ATF7: variants seen among roughly 807,000 people sequenced by gnomAD.
The protein encoded by ATF7 is cyclic AMP-dependent transcription factor ATF-7.
In ATF7, 10 loss-of-function variants were observed where a neutral mutation model predicts 50.4. The observed-to-expected ratio is 0.20, with a 90% CI of 0.12 to 0.34. ATF7 has a LOEUF of 0.34. Among genes scored for constraint, ATF7 ranks in the 10% least tolerant of loss-of-function variants. The probability of loss-of-function intolerance (pLI) is 1.00; values close to 1 mark genes in which losing one functional copy is unlikely to be tolerated. For missense variants in ATF7, 465 were observed against 613.9 expected, an observed-to-expected ratio of 0.76 and a Z score of 2.56; for synonymous variants, 201 against 226.4, an observed-to-expected ratio of 0.89 and a Z score of 1.01.
In ATF7 at chr12:53,524,726, C is replaced by G. The variant is rs766730069; in HGVS notation, c.963G>C (p.Gly321=). The change falls in exon 10 of 12, where the codon GGG becomes GGC. Residue 321 remains glycine (G), a synonymous_variant. Coordinates refer to ENST00000420353, the MANE Select transcript of ATF7 (RefSeq NM_006856.3). This position sits in a 1 kb window ranked among gnomAD's most constrained non-coding sequence, Gnocchi z 4.6. ...SPAQPTPSTG[G]RRRRTVDEDP... ...CTTCATCTACTGTGCGCCGCCGTCG[C>G]CCCCCAGTACTAGGGGTGGGCTGAG... is the stretch of plus-strand genomic sequence containing the variant. 1.9e-6 allele frequency: 3 copies of G among 1,610,998 alleles called. No individual in the cohort carries two copies. Among genetic ancestry groups the G allele is most frequent in the Admixed American group, 3.4e-5 (2 of 59,640 alleles).
In ATF7 at chr12:53,565,302, G is replaced by GT. The variant is rs200350633; in HGVS notation, c.49-12666dup. ...TACCAGTTTGGGTTAAAAAAGATTA[G>GT]TTTTTTTTTTTCAAATGTTACTTAT... On this transcript the variant is annotated intron_variant, in intron 2 of 11. Coordinates refer to ENST00000420353, the MANE Select transcript of ATF7 (RefSeq NM_006856.3). 4.8e-3 allele frequency among the ~76,000 whole-genome samples: 706 copies of GT among 146,596 alleles called. 3 individuals are homozygous for GT. The highest frequency in any genetic ancestry group is 0.014 in the African/African-American group (562 of 40,306).
At chr12:53,567,788 A>G (rs1241396287) in intron 2 of ATF7, among the ~76,000 whole-genome samples, 1 of 152,230 alleles carries the variant, frequency 6.6e-6, no homozygotes, top group African/African-American at 2.4e-5. Flanking sequence ...AAAGTCCCCA[A>G]AGGGATAACT....
Position 53,604,681 on chromosome 12 carries a change from G to T in ATF7, c.-21-3660C>A, listed in dbSNP as rs372824618. Among the ~76,000 whole-genome samples the T allele has an allele frequency of 3.9e-5, 6 of 152,258 alleles. No individual in the cohort carries two copies. In the East Asian group the frequency reaches 9.6e-4, roughly 24 times the overall value. Reference sequence around the variant, plus strand: ...AAGCCACATACAAACACATCCAGGGGCCTGTTATCAGGTTCCTAATGACAA... The same window carrying T: ...AAGCCACATACAAACACATCCAGGGTCCTGTTATCAGGTTCCTAATGACAA... On this transcript the variant is annotated intron_variant, in intron 1 of 11. Transcript: ENST00000420353.
chr12:53,542,995 C>G (rs1939664599), intron 4 of ATF7: 1 of 1,197,498 alleles, frequency 8.4e-7, no homozygotes. Context: ...AATATGTTAT[C>G]CAACAAAATC....
At chr12:53,520,391 A>T (rs1449245690) in intron 11 of ATF7, among the ~76,000 whole-genome samples, 1 of 152,148 alleles carries the variant, frequency 6.6e-6, no homozygotes, top group Non-Finnish European at 1.5e-5. Context: ...AGCCTGGCCA[A>T]TATGGCAAAA....
At chr12:53,543,175 A>G in intron 4 of ATF7, 155 bp downstream of exon 4, 1 of 1,529,024 alleles carries the variant, frequency 6.5e-7, no homozygotes, top group East Asian at 2.5e-5. Context: ...TGAATGGCTG[A>G]CTGGGATTAG....
At position 53,512,268 on chromosome 12, in the gene ATF7, G is replaced by C. The variant is rs114450920; in HGVS notation, c.*4869C>G. 6.6e-6 allele frequency: 1 copy of C among 152,176 alleles called. No individual in the cohort carries two copies. The highest frequency in any genetic ancestry group is 1.5e-5 in the Non-Finnish European group (1 of 68,044). 9.4% of individuals were successfully genotyped at this position (152,176 alleles called of 1,614,324 possible). On this transcript the variant is annotated 3_prime_UTR_variant, in exon 12 of 12. Coordinates refer to ENST00000420353, the MANE Select transcript of ATF7 (RefSeq NM_006856.3). Reference sequence around the variant, plus strand: ...AGAACCAGCTCACAGGGATCATGCTGAATCAGGTGGAGGGGAAAAGGGAAA... The same window carrying C: ...AGAACCAGCTCACAGGGATCATGCTCAATCAGGTGGAGGGGAAAAGGGAAA...
chr12:53,587,803 C>T (rs1942760478), intron 2 of ATF7, among the ~76,000 whole-genome samples: 1 of 124,172 alleles, frequency 8.1e-6, no homozygotes, highest in Non-Finnish European at 1.7e-5. Flanking sequence ...TCTTTTGATC[C>T]TCTATGTATA....
At chr12:53,554,859 T>A (rs936216916) in intron 2 of ATF7, among the ~76,000 whole-genome samples, 1 of 79,398 alleles carries the variant, frequency 1.3e-5, no homozygotes, top group African/African-American at 6.6e-5. Flanking sequence ...GAAGACCTTG[T>A]CTCAAAAAAA....
At chr12:53,574,057 A>G (rs1462918512) in intron 2 of ATF7, among the ~76,000 whole-genome samples, 1 of 152,170 alleles carries the variant, frequency 6.6e-6, no homozygotes, top group Admixed American at 6.5e-5. Context: ...TCAACAGAAA[A>G]TTGTAAGTCA....
At chr12:53,569,877 C>T (rs1941654304) in intron 2 of ATF7, among the ~76,000 whole-genome samples, 1 of 152,148 alleles carries the variant, frequency 6.6e-6, no homozygotes, top group African/African-American at 2.4e-5. Context: ...CGGGGTTTCA[C>T]CATATTGGCC....
chr12:53,533,060 C>G, intron 7 of ATF7, 100 bp downstream of exon 7: 1 of 1,068,486 alleles, frequency 9.4e-7, no homozygotes, highest in Non-Finnish European at 1.4e-6. Flanking sequence ...TAGATCAGAG[C>G]CCACATTTCC....
chr12:53,527,822 C>A (rs970512002), intron 9 of ATF7, among the ~76,000 whole-genome samples: 1 of 151,580 alleles, frequency 6.6e-6, no homozygotes, highest in Admixed American at 6.6e-5. Context: ...GAATTATATT[C>A]TCCATTAATA....
At position 53,594,374 on chromosome 12, in the gene ATF7, T is replaced by C. The variant is rs191671397; in HGVS notation, c.48+6579A>G. Among the ~76,000 whole-genome samples, 86 of 152,286 alleles carry C rather than the reference T, an allele frequency of 5.6e-4. 1 individual carries two copies. Among genetic ancestry groups the C allele is most frequent in the African/African-American group, 2.0e-3 (83 of 41,538 alleles). On this transcript the variant is annotated intron_variant, in intron 2 of 11. Coordinates refer to ENST00000420353, the MANE Select transcript of ATF7 (RefSeq NM_006856.3). Reference sequence around the variant, plus strand: ...TGTCACCTTAATTTCCTGCGTGTAGTACCAATTAGATTCATACAGCCTTTT... The same window carrying C: ...TGTCACCTTAATTTCCTGCGTGTAGCACCAATTAGATTCATACAGCCTTTT...
At chr12:53,511,406 C>A (rs765493872), downstream of ATF7, among the ~76,000 whole-genome samples, 2 of 152,134 alleles carry the variant, frequency 1.3e-5, no homozygotes, top group Non-Finnish European at 2.9e-5. Flanking sequence ...CCGCCACCAA[C>A]ACCTGGCTAA....
intron 1 of ATF7, among the ~76,000 whole-genome samples, chr12:53,605,474 G>T (rs75949082): frequency 0.04 from 5,969 of 150,570 alleles, 354 homozygotes; most frequent in African/African-American, 0.13. Context: ...TACACATTTA[G>T]TGAGTTTTAA....
intron 2 of ATF7, among the ~76,000 whole-genome samples, chr12:53,593,583 T>C (rs760444153): frequency 1.3e-5 from 2 of 152,220 alleles, no homozygotes; most frequent in Non-Finnish European, 2.9e-5. Context: ...CCTTTCTAAA[T>C]GGCCAGGAGG....
At chr12:53,517,715 C>T (rs952589509) in intron 11 of ATF7, 2 of 241,426 alleles carry the variant, frequency 8.3e-6, no homozygotes, top group African/African-American at 4.5e-5. Context: ...TCAAGTGATC[C>T]TCCTGCCTTG....
At chr12:53,586,156 A>G (rs904167991) in intron 2 of ATF7, among the ~76,000 whole-genome samples, 2 of 152,210 alleles carry the variant, frequency 1.3e-5, no homozygotes, top group African/African-American at 4.8e-5. Context: ...GCCTAGAAGG[A>G]AAGAACAGGA....
Sources: gnomAD v4.1 joint callset for allele counts (sites outside exome capture counted in the v4.1 genomes callset) on GRCh38, gnomAD v4.1.1 for gene constraint, Gnocchi (gnomAD v3.1) non-coding constraint, MANE v1.5 for transcripts, NCBI Gene and HGNC (gene_info 2026-07-23, HGNC 2026-07-21) for gene names.